GDAP1: variants seen among roughly 807,000 people sequenced by gnomAD.
GDAP1 encodes the protein ganglioside induced differentiation associated protein 1.
Under a neutral mutation model 40.1 loss-of-function variants are expected in GDAP1, and 34 were observed. The ratio of observed to expected loss-of-function variants is 0.85; its 90% CI spans 0.64 to 1.13. GDAP1 has a LOEUF of 1.13. GDAP1 is among the 50% of genes most tolerant of loss of function. The pLI is 0.00. For synonymous variants in GDAP1, 170 were observed against 157.4 expected (o/e 1.08, Z -0.60); for missense variants, 374 against 433.7 (o/e 0.86, Z 1.22).
intron 2 of GDAP1, among the ~76,000 whole-genome samples, chr8:74,416,704 T>C (rs1394192630): frequency 1.3e-5 from 2 of 149,726 alleles, no homozygotes; most frequent in East Asian, 3.9e-4. Context: ...CTTGAAGACA[T>C]TCCTTAGCAC....
chr8:74,413,202 C>T (rs1225710290), intron 2 of GDAP1, among the ~76,000 whole-genome samples: 1 of 149,652 alleles, frequency 6.7e-6, no homozygotes, highest in African/African-American at 2.6e-5. Flanking sequence ...GCATGCTTCC[C>T]CTGTTTCTTC....
chr8:74,411,521 G>A (rs1477120099), intron 2 of GDAP1, among the ~76,000 whole-genome samples: 1 of 121,740 alleles, frequency 8.2e-6, no homozygotes, highest in African/African-American at 3.3e-5. Context: ...TATTTATTAA[G>A]CAAATATATA....
chr8:74,440,879 A>G (rs1806154209), intron 2 of GDAP1, among the ~76,000 whole-genome samples: 1 of 152,136 alleles, frequency 6.6e-6, no homozygotes, highest in African/African-American at 2.4e-5. Flanking sequence ...ATAAATATAT[A>G]TTGCAAACTC....
At chr8:74,422,201 T>G (rs1805866743) in intron 2 of GDAP1, among the ~76,000 whole-genome samples, 1 of 151,364 alleles carries the variant, frequency 6.6e-6, no homozygotes, top group African/African-American at 2.4e-5. Context: ...TCTTTCTTCT[T>G]TCTTTCTCTC....
chr8:74,427,639 T>C (rs1805964080), intron 2 of GDAP1, among the ~76,000 whole-genome samples: 1 of 152,240 alleles, frequency 6.6e-6, no homozygotes, highest in East Asian at 1.9e-4. Context: ...TTTTGAAGTA[T>C]AGGTTATTAC....
chr8:74,383,365 A>T (rs539631420), intron 2 of GDAP1, among the ~76,000 whole-genome samples: 1 of 152,154 alleles, frequency 6.6e-6, no homozygotes, highest in Non-Finnish European at 1.5e-5. Context: ...ATTGACCTGG[A>T]CTTGTTCCAA....
chr8:74,365,073 C>G lies in GDAP1; in HGVS notation c.*706C>G, dbSNP rs943160286. 4.2e-5 allele frequency: 19 copies of G among 453,850 alleles called. No homozygotes were observed. The highest frequency in any genetic ancestry group is 3.8e-4 in the African/African-American group (19 of 49,974). The allele number at this position is 453,850 out of a possible 1,614,324, so 28.1% of individuals were successfully genotyped here. A position where few individuals can be genotyped will look rare whatever the true frequency, so the allele number is the denominator to read the frequency against. On this transcript the variant is annotated 3_prime_UTR_variant, in exon 6 of 6. Coordinates refer to ENST00000220822, the MANE Select transcript of GDAP1 (RefSeq NM_018972.4). Reference sequence around the variant, plus strand: ...ATTCCTCTGGATGGTCATGTCCAGTCAGTGGGAGGTAGAAAGGGTGGCATC... The same window carrying G: ...ATTCCTCTGGATGGTCATGTCCAGTGAGTGGGAGGTAGAAAGGGTGGCATC...
chr8:74,410,584 A>G (rs1206917213), intron 2 of GDAP1, among the ~76,000 whole-genome samples: 4 of 150,260 alleles, frequency 2.7e-5, no homozygotes, highest in Non-Finnish European at 2.9e-5. Flanking sequence ...GGAGAAAAGT[A>G]TAGTAGTTCT....
downstream of GDAP1, among the ~76,000 whole-genome samples, chr8:74,369,548 A>T (rs1471003164): frequency 6.6e-6 from 1 of 152,140 alleles, no homozygotes; most frequent in African/African-American, 2.4e-5. Context: ...GAACATGTGG[A>T]AAATATCAAC....
intron 5 of GDAP1, among the ~76,000 whole-genome samples, chr8:74,363,590 A>G (rs898745623): frequency 1.3e-5 from 2 of 152,246 alleles, no homozygotes; most frequent in African/African-American, 4.8e-5. Flanking sequence ...AGCAGTAGCC[A>G]CTGAGTGATG....
intron 2 of GDAP1, among the ~76,000 whole-genome samples, chr8:74,476,171 G>A (rs914107322): frequency 3.3e-5 from 5 of 152,118 alleles, no homozygotes; most frequent in African/African-American, 9.7e-5. Context: ...TTGAGCCTAT[G>A]TGTGTCATTG....
At chr8:74,417,093 C>T (rs1291802926) in intron 2 of GDAP1, among the ~76,000 whole-genome samples, 1 of 149,122 alleles carries the variant, frequency 6.7e-6, no homozygotes, top group East Asian at 1.9e-4. Flanking sequence ...GGGTTTCTCC[C>T]ATGGGAGCTT....
In GDAP1 at chr8:74,364,622, T is replaced by A; in HGVS notation, c.*255T>A. The stretch of plus-strand genomic sequence containing the variant: ...AGGAAAAATGAGAGAATGAAGTCTG[T>A]ATAGGGTAGAGCAATAGAAAGTAAG... On this transcript the variant is annotated 3_prime_UTR_variant, in exon 6 of 6. Coordinates refer to ENST00000220822, the MANE Select transcript of GDAP1 (RefSeq NM_018972.4). 1.6e-6 allele frequency: 1 copy of A among 606,582 alleles called. No homozygotes were observed. The highest frequency in any genetic ancestry group is 3.1e-6 in the Non-Finnish European group (1 of 326,250). 37.6% of individuals were successfully genotyped at this position (606,582 alleles called of 1,614,324 possible).
intron 2 of GDAP1, among the ~76,000 whole-genome samples, chr8:74,422,407 C>G (rs1805887347): frequency 7.5e-6 from 1 of 132,668 alleles, no homozygotes; most frequent in Non-Finnish European, 1.6e-5. Flanking sequence ...CTGTCTCTCT[C>G]TCTCTCTTCG....
chr8:74,362,040 T>A lies in GDAP1; in HGVS notation c.579+62T>A, dbSNP rs924476816. 3.0e-5 allele frequency: 26 copies of A among 860,530 alleles called. 1 individual carries two copies. The South Asian group carries it at 3.4e-4, about 11-fold the overall frequency. The allele number at this position is 860,530 out of a possible 1,614,324, so 53.3% of individuals were successfully genotyped here. A position where few individuals can be genotyped will look rare whatever the true frequency, so the allele number is the denominator to read the frequency against. ...CACGGAGTAAATGTTCTACTTTTTGTAAAGTACCACTATTTCTAGAATATC... is the reference window on the plus strand; with the variant it reads ...CACGGAGTAAATGTTCTACTTTTTGAAAAGTACCACTATTTCTAGAATATC... On this transcript the variant is annotated intron_variant, in intron 4 of 5. Coordinates refer to ENST00000220822, the MANE Select transcript of GDAP1 (RefSeq NM_018972.4).
rs1712671865 is a variant in GDAP1 at position 74,366,667 on chromosome 8, A to C, written c.*2300A>C. 1 of 453,506 alleles carries C rather than the reference A, an allele frequency of 2.2e-6. No homozygotes were observed. Among genetic ancestry groups the C allele is most frequent in the Admixed American group, 2.4e-5 (1 of 42,514 alleles). The allele number at this position is 453,506 out of a possible 1,614,324, so 28.1% of individuals were successfully genotyped here. ...TGGCTTTTTGTGTCTTAACACACATAAATACTATTGTTATTGCAGCAGATG... is the reference window on the plus strand; with the variant it reads ...TGGCTTTTTGTGTCTTAACACACATCAATACTATTGTTATTGCAGCAGATG... On this transcript the variant is annotated 3_prime_UTR_variant, in exon 6 of 6. Coordinates refer to ENST00000220822, the MANE Select transcript of GDAP1 (RefSeq NM_018972.4).
rs538744695 is a variant in GDAP1, at chr8:74,411,031, G to C, written c.165+59710G>C. ...TCCCTCTTGCTGTTCTCATGATAGT[G>C]AGTTCTTATGAGATCTGATGGTTTT... On this transcript the variant is annotated intron_variant, in intron 2 of 2. Coordinates refer to the GDAP1 transcript ENST00000523640. 4.7e-5 allele frequency among the ~76,000 whole-genome samples: 7 copies of C among 149,888 alleles called. No homozygotes were observed. In the East Asian group the frequency reaches 1.4e-3, roughly 29 times the overall value.
At chr8:74,373,291 A>G (rs1231367162) in intron 2 of GDAP1, among the ~76,000 whole-genome samples, 2 of 152,306 alleles carry the variant, frequency 1.3e-5, no homozygotes, top group South Asian at 2.1e-4. Flanking sequence ...CAATTCTGTG[A>G]AGAAAGTCAT....
At chr8:74,466,408 C>T (rs761884146) in intron 2 of GDAP1, among the ~76,000 whole-genome samples, 27 of 151,960 alleles carry the variant, frequency 1.8e-4, no homozygotes, top group Non-Finnish European at 3.7e-4. Context: ...CTGAAGAGGA[C>T]GAAGGTAGAT....
Sources: gnomAD v4.1 joint callset for allele counts (sites outside exome capture counted in the v4.1 genomes callset) on GRCh38, gnomAD v4.1.1 for gene constraint, MANE v1.5 for transcripts, NCBI Gene and HGNC (gene_info 2026-07-23, HGNC 2026-07-21) for gene names.